The following UGGT1 variants were observed in gnomAD, a reference collection of about 807,000 sequenced individuals.
The protein encoded by UGGT1 is UDP-glucose:glycoprotein glucosyltransferase 1.
Under a neutral mutation model 203.9 loss-of-function variants are expected in UGGT1, and 107 were observed. The observed-to-expected ratio is 0.52, with a 90% confidence interval of 0.45 to 0.62. UGGT1 has a LOEUF of 0.62. Ranked by LOEUF, UGGT1 falls within the 20% of genes least tolerant of loss-of-function variation. UGGT1 has a pLI of 0.00. For synonymous variants in UGGT1, 628 were observed against 653.5 expected (o/e 0.96, Z 0.59); for missense variants, 1,673 against 1,867.2 (o/e 0.90, Z 1.92).
At chr2:128,149,505 C>T (rs1173529951) in intron 18 of UGGT1, among the ~76,000 whole-genome samples, 2 of 150,964 alleles carry the variant, frequency 1.3e-5, no homozygotes, top group Non-Finnish European at 3.0e-5. Context: ...AAAATTAGGC[C>T]GGGCGCGGTG....
intron 22 of UGGT1, among the ~76,000 whole-genome samples, chr2:128,158,179 A>G (rs141332380): frequency 6.6e-6 from 1 of 152,332 alleles, no homozygotes; most frequent in Admixed American, 6.5e-5. Flanking sequence ...TTCAAATGGT[A>G]GTAGGGTAGG....
At chr2:128,103,261 G>A (rs7355336) in intron 2 of UGGT1, 13 of 304,672 alleles carry the variant, frequency 4.3e-5, no homozygotes, top group African/African-American at 1.6e-4. Flanking sequence ...CAATTACTAC[G>A]TGCATTTCCT....
intron 33 of UGGT1, 143 bp downstream of exon 33, chr2:128,178,063 A>G (rs980237079): frequency 4.6e-5 from 32 of 691,236 alleles, no homozygotes; most frequent in Non-Finnish European, 7.5e-5. Context: ...TATATTTGGC[A>G]TAGATGAGTA....
intron 26 of UGGT1, among the ~76,000 whole-genome samples, chr2:128,169,464 A>C (rs1233364341): frequency 1.3e-5 from 2 of 152,224 alleles, no homozygotes; most frequent in Non-Finnish European, 2.9e-5. Context: ...TGGCCTTGTA[A>C]ATTTGTTTAG....
At chr2:128,100,513 T>A (rs1405809816) in intron 2 of UGGT1, among the ~76,000 whole-genome samples, 3 of 151,898 alleles carry the variant, frequency 2.0e-5, no homozygotes, top group Non-Finnish European at 4.4e-5. Flanking sequence ...TTCAAGCGAT[T>A]CTCTTGCCTC....
chr2:128,170,723 C>CT (rs1691052909), intron 27 of UGGT1, among the ~76,000 whole-genome samples: 1 of 151,822 alleles, frequency 6.6e-6, no homozygotes, highest in African/African-American at 2.4e-5. Context: ...TTCATTTTTC[C>CT]TTTTTTATAA....
At chr2:128,105,640 G>A (rs1229184563) in intron 3 of UGGT1, among the ~76,000 whole-genome samples, 1 of 151,680 alleles carries the variant, frequency 6.6e-6, no homozygotes, top group Non-Finnish European at 1.5e-5. Flanking sequence ...TCAGCCTCCC[G>A]AGTAGCTGGG....
chr2:128,129,556 G>A (rs531543823), intron 13 of UGGT1, among the ~76,000 whole-genome samples: 4 of 152,006 alleles, frequency 2.6e-5, no homozygotes, highest in East Asian at 1.9e-4. Context: ...CTGCCACCAC[G>A]CCTGACTAAT....
intron 36 of UGGT1, among the ~76,000 whole-genome samples, chr2:128,181,627 T>G (rs1222777146): frequency 6.6e-6 from 1 of 152,232 alleles, no homozygotes; most frequent in Non-Finnish European, 1.5e-5. Context: ...TGGAAGGATG[T>G]AATGTGTGTG....
chr2:128,095,472 C>T (rs530197749), intron 1 of UGGT1, among the ~76,000 whole-genome samples: 19 of 147,196 alleles, frequency 1.3e-4, no homozygotes, highest in African/African-American at 4.8e-4. Flanking sequence ...TCCTCTTCCT[C>T]CTCCTCCTCT....
rs56076466 is a variant in UGGT1, at chr2:128,150,482, A to G, written c.2017-2302A>G. Among the ~76,000 whole-genome samples, 1,446 of 152,144 alleles carry G rather than the reference A, an allele frequency of 9.5e-3. 23 individuals are homozygous for G. Among genetic ancestry groups the G allele is most frequent in the African/African-American group, 0.032 (1,321 of 41,504 alleles). On this transcript the variant is annotated intron_variant, in intron 18 of 40. Coordinates refer to ENST00000259253, the MANE Select transcript of UGGT1 (RefSeq NM_020120.4). ...CCAGTGGTATGAAATTCAAAACAGAAATGTAAATGAAGAGAAACTTTTAGC... is the reference window on the plus strand; with the variant it reads ...CCAGTGGTATGAAATTCAAAACAGAGATGTAAATGAAGAGAAACTTTTAGC...
chr2:128,156,453 T>G (rs777776927), intron 21 of UGGT1, 38 bp downstream of exon 21: 7 of 1,513,298 alleles, frequency 4.6e-6, no homozygotes, highest in Non-Finnish European at 6.4e-6. Flanking sequence ...TTCTTAATTT[T>G]CTTCTTTGGT....
At chr2:128,128,087 C>CA (rs1006971566) in intron 12 of UGGT1, among the ~76,000 whole-genome samples, 41 of 149,524 alleles carry the variant, frequency 2.7e-4, no homozygotes, top group Non-Finnish European at 4.2e-4. Flanking sequence ...AAACAAAAAA[C>CA]AAAAAAAAAC....
intron 13 of UGGT1, among the ~76,000 whole-genome samples, chr2:128,131,676 G>C (rs1345573421): frequency 6.6e-6 from 1 of 152,130 alleles, no homozygotes; most frequent in Non-Finnish European, 1.5e-5. Flanking sequence ...TTGCCAGGCT[G>C]AAGTGCAGTG....
Position 128,098,214 on chromosome 2 carries a change from A to G in UGGT1, c.194+650A>G, listed in dbSNP as rs182159806. ...TGAAGGAAGTTTTAAGAGGTGATTG[A>G]TAAAAGGAAGAGAAGAGGGCTTAGC... On this transcript the variant is annotated intron_variant, in intron 2 of 40. Coordinates refer to ENST00000259253, the MANE Select transcript of UGGT1 (RefSeq NM_020120.4). Among the ~76,000 whole-genome samples the G allele has an allele frequency of 1.8e-3, 278 of 152,308 alleles. 1 individual carries two copies. The highest frequency in any genetic ancestry group is 5.1e-3 in the Admixed American group (78 of 15,294).
Position 128,091,337 on chromosome 2 carries a change from C to A in UGGT1, c.-21C>A. Reference sequence around the variant, plus strand: ...CCTGGCGTTGTCTCTGGCACTGTGGCGGACTGACCACGGCCCGGGCATGGG... The same window carrying A: ...CCTGGCGTTGTCTCTGGCACTGTGGAGGACTGACCACGGCCCGGGCATGGG... On this transcript the variant is annotated 5_prime_UTR_variant, in exon 1 of 41. Transcript: ENST00000259253. The A allele has an allele frequency of 6.4e-7, 1 of 1,551,308 alleles. No homozygotes were observed. The highest frequency in any genetic ancestry group is 1.4e-5 in the African/African-American group (1 of 73,206).
In UGGT1 at chr2:128,115,219, A is replaced by T. The variant is rs2105373863; in HGVS notation, c.792A>T (p.Lys264Asn). ...AGGCCAAGGATGATACTCAGGTGAAAGGTGAATTTGTAAAAATGGGACCAG... is the reference window on the plus strand; with the variant it reads ...AGGCCAAGGATGATACTCAGGTGAATGGTGAATTTGTAAAAATGGGACCAG... ...EYKAKDDTQV[K>N]GTEVNTTVIG... Residue 264 changes from lysine (K) to asparagine (N), a missense_variant and splice_region_variant, in exon 7 of 41, where the codon AAA becomes AAT. By Grantham distance (94) the Lys-to-Asn change is moderately conservative. Transcript: ENST00000259253. 2 of 1,613,446 alleles carry T rather than the reference A, an allele frequency of 1.2e-6. No homozygotes were observed. Among genetic ancestry groups the T allele is most frequent in the Middle Eastern group, 1.7e-4 (1 of 6,058 alleles).
intron 5 of UGGT1, among the ~76,000 whole-genome samples, 162 bp downstream of exon 5, chr2:128,109,908 A>T (rs1687771433): frequency 6.6e-6 from 1 of 152,208 alleles, no homozygotes; most frequent in Non-Finnish European, 1.5e-5. Flanking sequence ...CAGCTCCGTC[A>T]CTTAAAATAG....
At chr2:128,168,967 A>G (rs868205322) in intron 26 of UGGT1, among the ~76,000 whole-genome samples, 16 of 141,608 alleles carry the variant, frequency 1.1e-4, no homozygotes, top group Admixed American at 2.3e-4. Flanking sequence ...GGATTGCTTG[A>G]GCCGGGGAGG....
Sources: gnomAD v4.1 joint callset for allele counts (sites outside exome capture counted in the v4.1 genomes callset) on GRCh38, gnomAD v4.1.1 for gene constraint, MANE v1.5 for transcripts, NCBI Gene and HGNC (gene_info 2026-07-23, HGNC 2026-07-21) for gene names.